SHC4: variants seen among roughly 807,000 people sequenced by gnomAD.
SHC4 encodes SHC-transforming protein 4.
In SHC4, 41 loss-of-function variants were observed where a neutral mutation model predicts 69.4. The ratio of observed to expected loss-of-function variants is 0.59; its 90% confidence interval spans 0.46 to 0.77. The LOEUF (loss-of-function observed/expected upper bound fraction) is 0.77. SHC4 is among the 30% of genes least tolerant of loss of function. The pLI is 0.00. For synonymous variants in SHC4, 318 were observed against 299.3 expected, an observed-to-expected ratio of 1.06 and a Z score of -0.64; for missense variants, 777 against 783.8, an observed-to-expected ratio of 0.99 and a Z score of 0.10.
chr15:48,867,891 T>A, intron 5 of SHC4, 22 bp from the exon 6 acceptor site: 1 of 1,599,658 alleles, frequency 6.3e-7, no homozygotes, highest in Non-Finnish European at 8.6e-7. Context: ...GGAAAATGAC[T>A]GTATTTAAAA....
At position 48,962,451 on chromosome 15, in the gene SHC4, C is replaced by T. The variant is rs781697142; in HGVS notation, c.565G>A (p.Gly189Ser). Residue 189 changes from glycine to serine, a missense_variant, in exon 1 of 12, where the codon GGC becomes AGC. Transcript: ENST00000332408. ...CTTACCCTCACACAGTAGTTCATGC[C>T]CATCCCCAACAGGTGCTGTAGAAAG... ...RHFLQHLLGM[G>S]MNYCVRYMGC... 7.2e-5 allele frequency: 109 copies of T among 1,522,322 alleles called. No individual in the cohort carries two copies. The highest frequency in any genetic ancestry group is 8.7e-5 in the Non-Finnish European group (99 of 1,136,730). The allele number at this position is 1,522,322 out of a possible 1,614,324, so 94.3% of individuals were successfully genotyped here. A position where few individuals can be genotyped will look rare whatever the true frequency, so the allele number is the denominator to read the frequency against.
intron 2 of SHC4, among the ~76,000 whole-genome samples, chr15:48,899,698 C>T (rs1347442458): frequency 2.0e-5 from 3 of 152,046 alleles, no homozygotes; most frequent in African/African-American, 4.8e-5. Flanking sequence ...GAACGAACAA[C>T]TGGCCTACCA....
At chr15:48,909,211 T>A (rs1469133232) in intron 2 of SHC4, among the ~76,000 whole-genome samples, 1 of 152,152 alleles carries the variant, frequency 6.6e-6, no homozygotes, top group African/African-American at 2.4e-5. Flanking sequence ...GTTTGTGTCA[T>A]CTATGATTTC....
intron 1 of SHC4, among the ~76,000 whole-genome samples, chr15:48,942,075 G>A (rs1901185213): frequency 6.6e-6 from 1 of 152,106 alleles, no homozygotes. Context: ...ATGGACAGCA[G>A]CAGGATCCTG....
intron 2 of SHC4, among the ~76,000 whole-genome samples, chr15:48,891,589 G>A (rs1163126586): frequency 6.6e-6 from 1 of 152,184 alleles, no homozygotes; most frequent in African/African-American, 2.4e-5. Context: ...TGTGTAATTT[G>A]AACCTTAGCC....
At chr15:48,848,069 A>T (rs1216269014) in intron 9 of SHC4, among the ~76,000 whole-genome samples, 5 of 152,020 alleles carry the variant, frequency 3.3e-5, no homozygotes, top group Non-Finnish European at 5.9e-5. Flanking sequence ...GTAATCAAAG[A>T]CAGGTCTCAA....
chr15:48,856,023 A>C lies in SHC4; in HGVS notation c.1172T>G (p.Met391Arg). The C allele has an allele frequency of 6.2e-7, 1 of 1,613,946 alleles. No homozygotes were observed. Among genetic ancestry groups the C allele is most frequent in the South Asian group, 1.1e-5 (1 of 91,048 alleles). The stretch of plus-strand genomic sequence containing the variant: ...TTCCGTGGCTTGAACTTTGATCCGC[A>C]TATCTGAAACACCACCTACTGGTGG... ...KQPPVGGVSDMRIKVQATEQM... is the reference protein window; with the variant it reads ...KQPPVGGVSDRRIKVQATEQM... Residue 391 changes from methionine to arginine, a missense_variant, in exon 8 of 12, where the codon ATG becomes AGG. Coordinates refer to ENST00000332408, the MANE Select transcript of SHC4 (RefSeq NM_203349.4).
chr15:48,899,152 T>C (rs1863053425), intron 2 of SHC4, among the ~76,000 whole-genome samples: 1 of 152,030 alleles, frequency 6.6e-6, no homozygotes, highest in Non-Finnish European at 1.5e-5. Context: ...CTTCAGAGAA[T>C]ACTTGGAATT....
At position 48,825,904 on chromosome 15, in the gene SHC4, A is replaced by G; in HGVS notation, c.*67T>C. 1 of 1,534,390 alleles carries G rather than the reference A, an allele frequency of 6.5e-7. No homozygotes were observed. Among genetic ancestry groups the G allele is most frequent in the African/African-American group, 1.4e-5 (1 of 72,394 alleles). On this transcript the variant is annotated 3_prime_UTR_variant, in exon 12 of 12. Coordinates refer to ENST00000332408, the MANE Select transcript of SHC4 (RefSeq NM_203349.4). ...TATTTTATCTACAAACAAAGTTTAA[A>G]TTATCTTTGTGTCCTAATACAAAAT...
intron 2 of SHC4, among the ~76,000 whole-genome samples, chr15:48,896,973 GAAAGAA>G (rs1434609867): frequency 2.0e-5 from 3 of 152,218 alleles, no homozygotes; most frequent in African/African-American, 7.2e-5. Flanking sequence ...ATGCCGAGGA[GAAAGAA>G]AAAGAAAACA....
chr15:48,929,624 A>T (rs1278851357), intron 1 of SHC4, among the ~76,000 whole-genome samples: 3 of 152,182 alleles, frequency 2.0e-5, no homozygotes, highest in Admixed American at 1.3e-4. Context: ...CCTTTGGTCT[A>T]CCCAGGAACA....
chr15:48,870,362 T>G (rs1386314106), intron 5 of SHC4, among the ~76,000 whole-genome samples: 2 of 152,234 alleles, frequency 1.3e-5, no homozygotes, highest in Non-Finnish European at 2.9e-5. Context: ...ACACCTTGTA[T>G]GTCCCTTGTT....
intron 2 of SHC4, among the ~76,000 whole-genome samples, chr15:48,905,245 C>T (rs1900387984): frequency 6.6e-6 from 1 of 152,188 alleles, no homozygotes; most frequent in East Asian, 1.9e-4. Flanking sequence ...GTTCTAGAAA[C>T]TGTGGCTCTG....
intron 1 of SHC4, among the ~76,000 whole-genome samples, chr15:48,952,062 C>G (rs971729460): frequency 1.3e-5 from 2 of 152,114 alleles, no homozygotes; most frequent in African/African-American, 4.8e-5. Context: ...TGTAGTCTAA[C>G]CTATCAGATG....
chr15:48,917,840 T>C (rs1353771727), intron 2 of SHC4, among the ~76,000 whole-genome samples: 1 of 152,200 alleles, frequency 6.6e-6, no homozygotes, highest in African/African-American at 2.4e-5. Context: ...CCTCAAATGG[T>C]TGGCAGAAAG....
chr15:48,833,772 A>G (rs1469605918), intron 11 of SHC4, among the ~76,000 whole-genome samples: 2 of 152,212 alleles, frequency 1.3e-5, no homozygotes, highest in Non-Finnish European at 2.9e-5. Flanking sequence ...GTCATGAGAC[A>G]TGGAATTCCT....
chr15:48,837,968 C>T (rs1441190100), intron 10 of SHC4, among the ~76,000 whole-genome samples: 1 of 152,176 alleles, frequency 6.6e-6, no homozygotes, highest in African/African-American at 2.4e-5. Flanking sequence ...AGATGGCACA[C>T]TGATGAATCC....
intron 9 of SHC4, among the ~76,000 whole-genome samples, chr15:48,848,055 C>T (rs529594738): frequency 6.6e-6 from 1 of 151,600 alleles, no homozygotes; most frequent in South Asian, 2.1e-4. Context: ...AAACATATGC[C>T]CAAGTAATCA....
intron 2 of SHC4, among the ~76,000 whole-genome samples, chr15:48,902,075 A>C (rs533090760): frequency 1.3e-5 from 2 of 151,860 alleles, no homozygotes; most frequent in East Asian, 3.9e-4. Context: ...GTTTGCTTGC[A>C]CCTGTAGTCC....
Sources: allele counts gnomAD v4.1 joint callset (sites outside exome capture counted in the v4.1 genomes callset), GRCh38; gene constraint gnomAD v4.1.1; transcripts MANE v1.5; gene names NCBI Gene and HGNC (gene_info 2026-07-23, HGNC 2026-07-21).